VPS72: variants seen among roughly 807,000 people sequenced by gnomAD.
VPS72 encodes vacuolar protein sorting-associated protein 72 homolog.
Under a neutral mutation model 38.9 loss-of-function variants are expected in VPS72, and 27 were observed. The observed-to-expected ratio is 0.69, with a 90% CI of 0.51 to 0.96. The LOEUF is 0.96. VPS72 is among the 40% of genes least tolerant of loss of function. VPS72 has a pLI of 0.00. For synonymous variants in VPS72, 173 were observed against 186.3 expected (o/e 0.93, Z 0.58); for missense variants, 360 against 479.5 (o/e 0.75, Z 2.33).
At chr1:151,189,103 A>G (rs1684408339) in intron 1 of VPS72, among the ~76,000 whole-genome samples, 1 of 152,312 alleles carries the variant, frequency 6.6e-6, no homozygotes, top group East Asian at 1.9e-4. Flanking sequence ...TGCTGGGATT[A>G]CAGGCGTGAG....
chr1:151,177,127 C>T lies in VPS72; in HGVS notation c.708-96G>A, dbSNP rs1326742884. The T allele has an allele frequency of 3.1e-6, 4 of 1,304,006 alleles. No homozygotes were observed. The East Asian group carries it at 1.0e-4, about 33-fold the overall frequency. The allele number at this position is 1,304,006 out of a possible 1,614,324, so 80.8% of individuals were successfully genotyped here. On this transcript the variant is annotated intron_variant, in intron 5 of 5. Coordinates refer to ENST00000368892, the MANE Select transcript of VPS72 (RefSeq NM_005997.3). Reference sequence around the variant, plus strand: ...TCAGGCTGGGTGCAGTGGCTCACACCTGTAATTCCAGCACTTTGGGAGGCT... The same window carrying T: ...TCAGGCTGGGTGCAGTGGCTCACACTTGTAATTCCAGCACTTTGGGAGGCT...
At chr1:151,184,761 A>G (rs1345018556) in intron 3 of VPS72, among the ~76,000 whole-genome samples, 1 of 151,428 alleles carries the variant, frequency 6.6e-6, no homozygotes, top group Non-Finnish European at 1.5e-5. Flanking sequence ...AATTTTTTGT[A>G]TTTTTAGTAG....
chr1:151,180,292 C>A (rs1684211584), intron 4 of VPS72, among the ~76,000 whole-genome samples: 1 of 150,556 alleles, frequency 6.6e-6, no homozygotes, highest in South Asian at 2.1e-4. Flanking sequence ...GCACTCCAGC[C>A]TGGGTGACAG....
rs767767829 is a variant in VPS72, at chr1:151,190,156, C to T, written c.-35G>A. The T allele has an allele frequency of 6.2e-7, 1 of 1,608,248 alleles. No individual in the cohort carries two copies. The highest frequency in any genetic ancestry group is 8.5e-7 in the Non-Finnish European group (1 of 1,178,832). On this transcript the variant is annotated 5_prime_UTR_variant, in exon 1 of 6. Transcript: ENST00000368892. Reference sequence around the variant, plus strand: ...CGAGACTGCGCCGCCACCTGCAGCCCCTCACCAGCTCGGTTTTGGGAGCTC... The same window carrying T: ...CGAGACTGCGCCGCCACCTGCAGCCTCTCACCAGCTCGGTTTTGGGAGCTC...
chr1:151,184,140 C>T (rs996617434), intron 4 of VPS72, among the ~76,000 whole-genome samples, 177 bp downstream of exon 4: 1 of 152,210 alleles, frequency 6.6e-6, no homozygotes, highest in African/African-American at 2.4e-5. Context: ...GCTTGTTCTT[C>T]AGAGTGCTCA....
Position 151,185,968 on chromosome 1 carries a change from T to A in VPS72, c.118-18A>T, listed in dbSNP as rs1392163665. 1 of 1,612,750 alleles carries A rather than the reference T, an allele frequency of 6.2e-7. No individual in the cohort carries two copies. The highest frequency in any genetic ancestry group is 1.1e-5 in the South Asian group (1 of 90,950). On this transcript the variant is annotated intron_variant, in intron 1 of 5. Coordinates refer to ENST00000368892, the MANE Select transcript of VPS72 (RefSeq NM_005997.3). ...CCGGATTCCTAAGGACACAGGGAGA[T>A]AAGGGTTGGCTGGCAATGGAAGCCT...
rs587697017 is a variant in VPS72, at chr1:151,179,853, C to T, written c.563-1708G>A. Among the ~76,000 whole-genome samples the T allele has an allele frequency of 7.1e-4, 108 of 151,978 alleles. 1 individual carries two copies. The Middle Eastern group carries it at 0.027, about 39-fold the overall frequency. ...TTGCGGTGCGCCAAGATCATACCAT[C>T]GCACTGTAGCCTGGGAAACAAGAGT... On this transcript the variant is annotated intron_variant, in intron 4 of 5. Transcript: ENST00000368892.
intron 4 of VPS72, among the ~76,000 whole-genome samples, 171 bp downstream of exon 4, chr1:151,184,146 G>A (rs920008933): frequency 1.3e-5 from 2 of 152,132 alleles, no homozygotes; most frequent in East Asian, 3.8e-4. Context: ...TCTTCAGAGT[G>A]CTCATAACTG....
chr1:151,176,744 A>G lies in VPS72; in HGVS notation c.995T>C (p.Leu332Pro), dbSNP rs1289963250. ...AYKKYITAHG[L>P]PPTASALGPG... is the part of the protein sequence containing the mutation. ...GCCCAGGGCTGAGGCAGTGGGCGGCAGTCCATGGGCAGTAATGTACTTCTT... is the reference window on the plus strand; with the variant it reads ...GCCCAGGGCTGAGGCAGTGGGCGGCGGTCCATGGGCAGTAATGTACTTCTT... The change falls in exon 6 of 6, where the codon CTG (leucine) becomes CCG (proline). Residue 332 changes from leucine to proline, a missense_variant. Around this residue, in one of 2 missense-constraint regions of VPS72, gnomAD observed 294 missense variants for 356.3 expected, o/e 0.83. Transcript: ENST00000368892. 1 of 1,614,224 alleles carries G rather than the reference A, an allele frequency of 6.2e-7. No individual in the cohort carries two copies. The highest frequency in any genetic ancestry group is 1.3e-5 in the African/African-American group (1 of 75,054).
chr1:151,179,657 C>G (rs1453232208), intron 4 of VPS72, among the ~76,000 whole-genome samples: 1 of 152,116 alleles, frequency 6.6e-6, no homozygotes, highest in African/African-American at 2.4e-5. Flanking sequence ...CTTTGGGAGG[C>G]TGAGGTGGGC....
intron 1 of VPS72, among the ~76,000 whole-genome samples, chr1:151,188,436 T>C (rs947575586): frequency 6.6e-6 from 1 of 152,198 alleles, no homozygotes; most frequent in Non-Finnish European, 1.5e-5. Context: ...GTAAGTAACC[T>C]TCCTAAAGTA....
In VPS72 at chr1:151,176,559, C is replaced by A; in HGVS notation, c.*85G>T. 1 of 1,535,228 alleles carries A rather than the reference C, an allele frequency of 6.5e-7. No individual in the cohort carries two copies. Among genetic ancestry groups the A allele is most frequent in the South Asian group, 1.3e-5 (1 of 78,208 alleles). ...CAGATTAGGCAAAGATCAGAGATGA[C>A]AAAGGGGAGAAGCAGGGAGAAGAAA... On this transcript the variant is annotated 3_prime_UTR_variant, in exon 6 of 6. Transcript: ENST00000368892.
intron 1 of VPS72, among the ~76,000 whole-genome samples, chr1:151,186,250 CTT>C (rs977980396): frequency 6.8e-6 from 1 of 147,158 alleles, no homozygotes; most frequent in Admixed American, 6.8e-5. Context: ...CATAATCTTA[CTT>C]TTTTTTTTTT....
At chr1:151,179,332 G>A (rs181485588) in intron 4 of VPS72, among the ~76,000 whole-genome samples, 4 of 152,166 alleles carry the variant, frequency 2.6e-5, no homozygotes, top group Admixed American at 1.3e-4. Context: ...TTTTTTGGTG[G>A]CTCACACCTG....
At chr1:151,183,209 G>C (rs987252222) in intron 4 of VPS72, among the ~76,000 whole-genome samples, 6 of 151,726 alleles carry the variant, frequency 4.0e-5, no homozygotes, top group African/African-American at 1.5e-4. Flanking sequence ...ATCACCTGAG[G>C]TCAGGAGTTC....
chr1:151,176,517 G>A lies in VPS72; in HGVS notation c.*127C>T. ...CACAACGAAACCTGTAAGAACTAGG[G>A]GAAAAGGAAAAAGAAACAGATTAGG... On this transcript the variant is annotated 3_prime_UTR_variant, in exon 6 of 6. Transcript: ENST00000368892. The A allele has an allele frequency of 7.0e-7, 1 of 1,429,490 alleles. No homozygotes were observed. The highest frequency in any genetic ancestry group is 9.4e-7 in the Non-Finnish European group (1 of 1,067,238). The allele number at this position is 1,429,490 out of a possible 1,614,324, so 88.6% of individuals were successfully genotyped here. A position where few individuals can be genotyped will look rare whatever the true frequency, so the allele number is the denominator to read the frequency against.
At chr1:151,181,390 C>T (rs1224880755) in intron 4 of VPS72, among the ~76,000 whole-genome samples, 1 of 151,906 alleles carries the variant, frequency 6.6e-6, no homozygotes, top group Non-Finnish European at 1.5e-5. Context: ...ACTACAGGCA[C>T]GCACCACCAT....
At chr1:151,178,232 C>G in intron 4 of VPS72, 87 bp from the exon 5 acceptor site, 1 of 1,464,794 alleles carries the variant, frequency 6.8e-7, no homozygotes. Flanking sequence ...TCTCAATTAT[C>G]TTCCTGGCTA....
intron 4 of VPS72, 73 bp from the exon 5 acceptor site, chr1:151,178,218 G>C: frequency 2.0e-6 from 3 of 1,504,754 alleles, no homozygotes; most frequent in Non-Finnish European, 2.7e-6. Flanking sequence ...ACTGTCCCAC[G>C]ATCTCTCAAT....
Sources: allele counts gnomAD v4.1 joint callset (sites outside exome capture counted in the v4.1 genomes callset), GRCh38; gene constraint gnomAD v4.1.1; regional missense constraint gnomAD v4.1.1; transcripts MANE v1.5; gene names NCBI Gene and HGNC (gene_info 2026-07-23, HGNC 2026-07-21).